Variants in LRP11 observed in about 807,000 individuals in gnomAD.
The protein encoded by LRP11 is LDL receptor related protein 11, also known as low-density lipoprotein receptor-related protein 11.
Under a neutral mutation model 43.1 loss-of-function variants are expected in LRP11, and 25 were observed. That is an observed-to-expected ratio of 0.58 (90% CI 0.42 to 0.81). The LOEUF is 0.81. LRP11 is among the 30% of genes least tolerant of loss of function. The probability of loss-of-function intolerance (pLI) is 0.00; values close to 1 mark genes in which losing one functional copy is unlikely to be tolerated. For missense variants in LRP11, 623 were observed against 665.1 expected, an observed-to-expected ratio of 0.94 and a Z score of 0.70; for synonymous variants, 316 against 299.4, an observed-to-expected ratio of 1.06 and a Z score of -0.57.
chr6:149,845,771 G>A (rs1289343202), intron 2 of LRP11, among the ~76,000 whole-genome samples: 1 of 62,160 alleles, frequency 1.6e-5, no homozygotes, highest in African/African-American at 4.7e-5. Flanking sequence ...GGTCTTATCT[G>A]TCGGATAAGA....
In LRP11 at chr6:149,846,301, C is replaced by A. The variant is rs981602648; in HGVS notation, c.772-3177G>T. Among the ~76,000 whole-genome samples, 3 of 152,122 alleles carry A rather than the reference C, an allele frequency of 2.0e-5. No homozygotes were observed. In the East Asian group the frequency reaches 5.8e-4, roughly 29 times the overall value. On this transcript the variant is annotated intron_variant, in intron 2 of 6. Coordinates refer to ENST00000239367, the MANE Select transcript of LRP11 (RefSeq NM_032832.6). ...TGGGCAGCAGTGCAATAGCTTATGC[C>A]CTCATTTACTGTCTCTTGGGACTTA...
At chr6:149,825,129 ATAT>A (rs1463828134) in intron 6 of LRP11, among the ~76,000 whole-genome samples, 1 of 152,192 alleles carries the variant, frequency 6.6e-6, no homozygotes, top group East Asian at 1.9e-4. Context: ...TATTGTCCTG[ATAT>A]TATAAATAGG....
chr6:149,833,943 G>T (rs749337354), intron 5 of LRP11, among the ~76,000 whole-genome samples: 14 of 152,078 alleles, frequency 9.2e-5, no homozygotes, highest in Non-Finnish European at 1.9e-4. Flanking sequence ...ACGTGTCATG[G>T]TGGTTTGCTG....
chr6:149,858,585 A>G (rs983657667), intron 1 of LRP11, among the ~76,000 whole-genome samples: 1 of 152,120 alleles, frequency 6.6e-6, no homozygotes, highest in Non-Finnish European at 1.5e-5. Flanking sequence ...GTTATTTCTA[A>G]CTCAAAGGTT....
At chr6:149,846,958 GAA>G (rs1776643694) in intron 2 of LRP11, among the ~76,000 whole-genome samples, 1 of 87,534 alleles carries the variant, frequency 1.1e-5, no homozygotes, top group South Asian at 4.1e-4. Context: ...TAAAATAATA[GAA>G]TAGAATAGAA....
chr6:149,831,435 C>T (rs957314655), intron 5 of LRP11, among the ~76,000 whole-genome samples: 2 of 152,192 alleles, frequency 1.3e-5, no homozygotes, highest in Non-Finnish European at 2.9e-5. Flanking sequence ...ATGACATGGA[C>T]CACACAGAGA....
In LRP11 at chr6:149,826,228, TAC is replaced by T. The variant is rs1491149020; in HGVS notation, c.1348+34_1348+35del. The stretch of plus-strand genomic sequence containing the variant: ...AGAGGGCATGCAGTTCTGAGAAGAC[TAC>T]AGTCTGCAAAGGGTTTCCAAGGTGG... On this transcript the variant is annotated intron_variant, in intron 6 of 6. Transcript: ENST00000239367. The T allele has an allele frequency of 4.0e-6, 6 of 1,489,078 alleles. No homozygotes were observed. In the African/African-American group the frequency reaches 5.5e-5, roughly 14 times the overall value. The allele number at this position is 1,489,078 out of a possible 1,614,324, so 92.2% of individuals were successfully genotyped here. A position where few individuals can be genotyped will look rare whatever the true frequency, so the allele number is the denominator to read the frequency against.
chr6:149,836,794 G>A (rs1431202194), intron 4 of LRP11, among the ~76,000 whole-genome samples: 1 of 151,424 alleles, frequency 6.6e-6, no homozygotes, highest in Non-Finnish European at 1.5e-5. Flanking sequence ...CAGCCTGGGT[G>A]ACAGAGTGAG....
chr6:149,819,016 T>C lies in LRP11; in HGVS notation c.*1533A>G, dbSNP rs750738533. ...CAGCATCACATATAGAGTACAGACATCTTAAGTTCATTCACAAAGTTAATT... is the reference window on the plus strand; with the variant it reads ...CAGCATCACATATAGAGTACAGACACCTTAAGTTCATTCACAAAGTTAATT... On this transcript the variant is annotated 3_prime_UTR_variant, in exon 7 of 7. Transcript: ENST00000239367. The C allele has an allele frequency of 4.6e-5, 7 of 152,594 alleles. No individual in the cohort carries two copies. The highest frequency in any genetic ancestry group is 4.6e-4 in the Admixed American group (7 of 15,274). 9.5% of individuals were successfully genotyped at this position (152,594 alleles called of 1,614,324 possible). A position where few individuals can be genotyped will look rare whatever the true frequency, so the allele number is the denominator to read the frequency against.
chr6:149,836,289 C>T lies in LRP11; in HGVS notation c.1048G>A (p.Asp350Asn). The T allele has an allele frequency of 6.2e-7, 1 of 1,614,046 alleles. No homozygotes were observed. Among genetic ancestry groups the T allele is most frequent in the Non-Finnish European group, 8.5e-7 (1 of 1,180,010 alleles). ...DEDFCQNLGL[D>N]RKMVTHTAAS... ...GCCGTGTGGGTTACCATCTTGCGGT[C>T]CAGGCCCACTGAAGTGTGGAAGAGC... is the stretch of plus-strand genomic sequence containing the variant. The change falls in exon 5 of 7, where the codon GAC becomes AAC. Residue 350 changes from aspartate to asparagine, a missense_variant. Coordinates refer to ENST00000239367, the MANE Select transcript of LRP11 (RefSeq NM_032832.6).
intron 4 of LRP11, 101 bp downstream of exon 4, chr6:149,837,237 G>C (rs978872399): frequency 7.9e-7 from 1 of 1,267,460 alleles, no homozygotes; most frequent in Non-Finnish European, 1.1e-6. Flanking sequence ...CTAAAATCAA[G>C]CAGGGGAAGG....
chr6:149,839,698 A>G (rs1466839919), intron 3 of LRP11, among the ~76,000 whole-genome samples: 1 of 152,186 alleles, frequency 6.6e-6, no homozygotes, highest in East Asian at 1.9e-4. Context: ...TGTGTCGCCC[A>G]GGCTGGAGTG....
intron 6 of LRP11, among the ~76,000 whole-genome samples, chr6:149,825,947 C>G (rs1028575830): frequency 6.6e-6 from 1 of 152,210 alleles, no homozygotes; most frequent in African/African-American, 2.4e-5. Context: ...CTGTGCCCAG[C>G]TTTGAGCAAG....
intron 2 of LRP11, among the ~76,000 whole-genome samples, chr6:149,847,878 CAT>C (rs1491458807): frequency 2.3e-5 from 3 of 129,882 alleles, no homozygotes; most frequent in Non-Finnish European, 4.8e-5. Flanking sequence ...CACACACACA[CAT>C]TGTATATACT....
In LRP11 at chr6:149,837,377, G is replaced by C; in HGVS notation, c.1000C>G (p.Gln334Glu). ...TCTTCATCAGACCCATCAGGACACT[G>C]CTGCACTCCATCGCAGGCGAGCGTG... is the stretch of plus-strand genomic sequence containing the variant. ...DITLACDGVQQCPDGSDEDFC... is the reference protein window; with the variant it reads ...DITLACDGVQECPDGSDEDFC... Residue 334 changes from glutamine (Q) to glutamate (E), a missense_variant, in exon 4 of 7, where the codon CAG (glutamine) becomes GAG (glutamate). Transcript: ENST00000239367. The C allele has an allele frequency of 1.2e-6, 2 of 1,614,100 alleles. No homozygotes were observed. Among genetic ancestry groups the C allele is most frequent in the Non-Finnish European group, 1.7e-6 (2 of 1,180,018 alleles).
chr6:149,840,617 T>C (rs1030082713), intron 3 of LRP11, among the ~76,000 whole-genome samples: 2 of 152,212 alleles, frequency 1.3e-5, no homozygotes, highest in Admixed American at 6.5e-5. Context: ...GCACTTCAGC[T>C]GTACAAGAGC....
chr6:149,852,949 A>G (rs1199528455), intron 2 of LRP11, 54 bp downstream of exon 2: 2 of 1,487,764 alleles, frequency 1.3e-6, no homozygotes, highest in African/African-American at 1.4e-5. Context: ...GGACATTACA[A>G]AAGACCACTT....
intron 2 of LRP11, among the ~76,000 whole-genome samples, chr6:149,844,250 C>CAAA (rs5880856): frequency 8.0e-5 from 10 of 125,140 alleles, no homozygotes; most frequent in South Asian, 2.6e-4. Context: ...GACTCCATCT[C>CAAA]AAAAAAAAAA....
At chr6:149,841,918 C>CA (rs1434115269) in intron 3 of LRP11, among the ~76,000 whole-genome samples, 30 of 145,954 alleles carry the variant, frequency 2.1e-4, no homozygotes, top group Admixed American at 1.0e-3. Context: ...AACTCCCTCT[C>CA]AAAAAAAAAA....
Sources: gnomAD v4.1 joint callset for allele counts (sites outside exome capture counted in the v4.1 genomes callset) on GRCh38, gnomAD v4.1.1 for gene constraint, MANE v1.5 for transcripts, NCBI Gene and HGNC (gene_info 2026-07-23, HGNC 2026-07-21) for gene names.